Variants in RAB3GAP2 observed in about 807,000 individuals in gnomAD.
The protein encoded by RAB3GAP2 is RAB3 GTPase activating non-catalytic protein subunit 2, also known as rab3 GTPase-activating protein non-catalytic subunit.
In RAB3GAP2, 87 loss-of-function variants were observed where a neutral mutation model predicts 185.3. The ratio of observed to expected loss-of-function variants is 0.47; its 90% confidence interval spans 0.39 to 0.56. The LOEUF (loss-of-function observed/expected upper bound fraction) is 0.56, where lower values mean the gene tolerates loss of function less well. Ranked by LOEUF, RAB3GAP2 falls within the 20% of genes least tolerant of loss-of-function variation. RAB3GAP2 has a pLI of 0.00. For missense variants in RAB3GAP2, 1,492 were observed against 1,638.2 expected, an observed-to-expected ratio of 0.91 and a Z score of 1.54; for synonymous variants, 554 against 576.1, an observed-to-expected ratio of 0.96 and a Z score of 0.55.
chr1:220,205,393 G>A (rs1421416810), intron 8 of RAB3GAP2, among the ~76,000 whole-genome samples: 1 of 152,036 alleles, frequency 6.6e-6, no homozygotes, highest in Non-Finnish European at 1.5e-5. Flanking sequence ...TCCCTGCTGG[G>A]TCCTGCCTAC....
chr1:220,239,316 T>C (rs1467840506), intron 1 of RAB3GAP2, among the ~76,000 whole-genome samples: 1 of 152,146 alleles, frequency 6.6e-6, no homozygotes, highest in Non-Finnish European at 1.5e-5. Flanking sequence ...CTGCAGGCTC[T>C]ATCTCCCAGG....
chr1:220,210,898 A>G, intron 5 of RAB3GAP2, 22 bp from the exon 6 acceptor site: 3 of 1,613,908 alleles, frequency 1.9e-6, no homozygotes, highest in Non-Finnish European at 2.5e-6. Context: ...AAAATTTATT[A>G]TCTTAACAAC....
At chr1:220,151,994 G>A (rs1312010628) in intron 33 of RAB3GAP2, among the ~76,000 whole-genome samples, 1 of 151,956 alleles carries the variant, frequency 6.6e-6, no homozygotes, top group Non-Finnish European at 1.5e-5. Context: ...TCAATTCAAT[G>A]TGGCTACTCA....
chr1:220,205,300 T>C (rs1176773946), intron 8 of RAB3GAP2, among the ~76,000 whole-genome samples: 1 of 152,190 alleles, frequency 6.6e-6, no homozygotes, highest in Non-Finnish European at 1.5e-5. Flanking sequence ...AAAATGTCAT[T>C]GCCCATATAT....
At position 220,150,765 on chromosome 1, in the gene RAB3GAP2, CA is replaced by C. The variant is rs889780656; in HGVS notation, c.*485del. ...TTCGGTATCCAGAACTCCCAGGTGG[CA>C]GCCCAGTGTGGGATTTGGAGCATGA... On this transcript the variant is annotated 3_prime_UTR_variant, in exon 35 of 35. Transcript: ENST00000358951. 1.3e-5 allele frequency: 2 copies of C among 156,532 alleles called. No individual in the cohort carries two copies. Among genetic ancestry groups the C allele is most frequent in the African/African-American group, 4.8e-5 (2 of 41,440 alleles). The allele number at this position is 156,532 out of a possible 1,614,324, so 9.7% of individuals were successfully genotyped here.
intron 2 of RAB3GAP2, among the ~76,000 whole-genome samples, chr1:220,228,762 C>T (rs1166419472): frequency 6.6e-6 from 1 of 152,168 alleles, no homozygotes; most frequent in Non-Finnish European, 1.5e-5. Flanking sequence ...ATAATTGGTA[C>T]ACCCAAAATG....
chr1:220,251,737 G>A (rs187620612), intron 1 of RAB3GAP2, among the ~76,000 whole-genome samples: 4 of 152,330 alleles, frequency 2.6e-5, no homozygotes, highest in African/African-American at 9.6e-5. Context: ...GTATAAGGAT[G>A]CTTAGTGGAG....
At chr1:220,164,534 G>C (rs758974778) in intron 27 of RAB3GAP2, among the ~76,000 whole-genome samples, 199 bp downstream of exon 27, 2 of 144,772 alleles carry the variant, frequency 1.4e-5, no homozygotes, top group Non-Finnish European at 3.0e-5. Context: ...GGATGCAGTG[G>C]TGTGATCATA....
Position 220,157,451 on chromosome 1 carries a change from A to G in RAB3GAP2, c.3374T>C (p.Leu1125Pro). The G allele has an allele frequency of 6.2e-7, 1 of 1,613,860 alleles. No homozygotes were observed. The highest frequency in any genetic ancestry group is 1.3e-5 in the African/African-American group (1 of 75,006). Reference protein sequence around the residue: ...VSRDEIQVPVLDTEDAWLSVE... With the variant: ...VSRDEIQVPVPDTEDAWLSVE... ...GGAGAGCCACGCATCCTCAGTATCC[A>G]GCACAGGCACCTGTATTTCATCCCT... is the stretch of plus-strand genomic sequence containing the variant. The change falls in exon 31 of 35, where the codon CTG becomes CCG. Residue 1125 changes from leucine (L) to proline (P), a missense_variant. Around this residue, in one of 5 missense-constraint regions of RAB3GAP2, gnomAD observed 387 missense variants for 455.3 expected, o/e 0.85. Transcript: ENST00000358951.
intron 8 of RAB3GAP2, among the ~76,000 whole-genome samples, chr1:220,205,362 C>A (rs1332451807): frequency 6.6e-6 from 1 of 152,032 alleles, no homozygotes; most frequent in African/African-American, 2.4e-5. Flanking sequence ...TCTGAGTTAG[C>A]AAAAAGCAGC....
chr1:220,241,525 G>A (rs577475056), intron 1 of RAB3GAP2, among the ~76,000 whole-genome samples: 175 of 152,100 alleles, frequency 1.2e-3, no homozygotes, highest in African/African-American at 3.9e-3. Context: ...TAATTTAGGG[G>A]ATTCAGCAAA....
At chr1:220,177,432 C>T (rs1658314078) in intron 21 of RAB3GAP2, among the ~76,000 whole-genome samples, 1 of 152,152 alleles carries the variant, frequency 6.6e-6, no homozygotes, top group Admixed American at 6.5e-5. Flanking sequence ...GCATCGAGAA[C>T]ATTCAGGGAA....
chr1:220,244,905 T>C (rs947433350), intron 1 of RAB3GAP2, among the ~76,000 whole-genome samples: 3 of 152,188 alleles, frequency 2.0e-5, no homozygotes, highest in Admixed American at 6.5e-5. Context: ...CTTCTGGATA[T>C]TGGCTTAGGC....
chr1:220,195,997 T>TA (rs544179499), intron 10 of RAB3GAP2, among the ~76,000 whole-genome samples: 11 of 152,218 alleles, frequency 7.2e-5, no homozygotes, highest in Non-Finnish European at 1.3e-4. Context: ...CACCAATATT[T>TA]AAAGACATCT....
chr1:220,167,182 A>T (rs1658084366), intron 26 of RAB3GAP2, 111 bp downstream of exon 26: 1 of 950,926 alleles, frequency 1.1e-6, no homozygotes, highest in Non-Finnish European at 1.7e-6. Flanking sequence ...AGGCATTACA[A>T]CGGGGAAAAA....
chr1:220,205,895 C>A lies in RAB3GAP2; in HGVS notation c.712+12G>T, dbSNP rs530494745. The stretch of plus-strand genomic sequence containing the variant: ...ATTAACAGAGGTTAAATATTTCTTG[C>A]CAAAATATTACCTTTTGCTACCTGA... On this transcript the variant is annotated intron_variant, in intron 8 of 34. Transcript: ENST00000358951. 8.4e-6 allele frequency: 13 copies of A among 1,549,520 alleles called. No individual in the cohort carries two copies. The highest frequency in any genetic ancestry group is 1.7e-5 in the Admixed American group (1 of 59,738).
chr1:220,243,369 AAC>A (rs1558167854), intron 1 of RAB3GAP2, among the ~76,000 whole-genome samples: 4 of 151,938 alleles, frequency 2.6e-5, no homozygotes, highest in East Asian at 1.9e-4. Flanking sequence ...AAAAAAAAAA[AAC>A]ATAATAATAA....
Position 220,190,429 on chromosome 1 carries a change from G to C in RAB3GAP2, c.1579C>G (p.Pro527Ala). ...PQTYQICLVDPVSGSVKTVNV... is the reference protein window; with the variant it reads ...PQTYQICLVDAVSGSVKTVNV... Reference sequence around the variant, plus strand: ...ACTGTTTTCACACTTCCAGACACTGGATCAACCAGACAGATCTGATAAGTC... The same window carrying C: ...ACTGTTTTCACACTTCCAGACACTGCATCAACCAGACAGATCTGATAAGTC... Residue 527 changes from proline (P) to alanine (A), a missense_variant, in exon 15 of 35, where the codon CCA becomes GCA. Pro to Ala is a conservative substitution (Grantham distance 27, BLOSUM62 -1). Around this residue, in one of 5 missense-constraint regions of RAB3GAP2, gnomAD observed 681 missense variants for 689.1 expected, o/e 0.99. Transcript: ENST00000358951. 6.2e-7 allele frequency: 1 copy of C among 1,614,050 alleles called. No homozygotes were observed. Among genetic ancestry groups the C allele is most frequent in the Non-Finnish European group, 8.5e-7 (1 of 1,179,956 alleles).
chr1:220,153,441 G>A (rs1465632297), intron 32 of RAB3GAP2, 35 bp from the exon 33 acceptor site: 22 of 1,562,304 alleles, frequency 1.4e-5, no homozygotes, highest in East Asian at 2.2e-5. Context: ...GCAATGCATT[G>A]TTACTGTTTC....
Sources: allele counts gnomAD v4.1 joint callset (sites outside exome capture counted in the v4.1 genomes callset), GRCh38; gene constraint gnomAD v4.1.1; regional missense constraint gnomAD v4.1.1; transcripts MANE v1.5; gene names NCBI Gene and HGNC (gene_info 2026-07-23, HGNC 2026-07-21).